The following TUSC3 variants were observed in gnomAD, a reference collection of about 807,000 sequenced individuals.
TUSC3 encodes tumor suppressor candidate 3.
TUSC3 carries 45 observed loss-of-function variants against 44.8 expected under a neutral mutation model. That is an observed-to-expected ratio of 1.00 (90% confidence interval 0.79 to 1.29). The LOEUF (loss-of-function observed/expected upper bound fraction) is 1.29. Among genes scored for constraint, TUSC3 ranks in the 50% most tolerant of loss-of-function variants. The pLI is 0.00. For missense variants in TUSC3, 519 were observed against 437.9 expected (o/e 1.19, Z -1.65); for synonymous variants, 212 against 152.9 (o/e 1.39, Z -2.85).
chr8:15,440,416 A>AT (rs1295177108), intron 1 of TUSC3, among the ~76,000 whole-genome samples: 1 of 152,148 alleles, frequency 6.6e-6, no homozygotes, highest in African/African-American at 2.4e-5. Context: ...GAATTTTGGT[A>AT]TTTTTCACAA....
At chr8:15,635,794 ACTTACAGTAATGGAG>A (rs1375294083) in intron 2 of TUSC3, among the ~76,000 whole-genome samples, 5 of 152,146 alleles carry the variant, frequency 3.3e-5, no homozygotes, top group Admixed American at 3.3e-4. Flanking sequence ...TTCTGCATGA[ACTTACAGTAATGGAG>A]CCAGGTAGCA....
At chr8:15,729,575 A>C (rs933035597) in intron 6 of TUSC3, among the ~76,000 whole-genome samples, 5 of 152,196 alleles carry the variant, frequency 3.3e-5, no homozygotes, top group African/African-American at 1.2e-4. Flanking sequence ...ACATGAATGC[A>C]GCAAGAGGGC....
chr8:15,425,516 T>A (rs1389047277), intron 1 of TUSC3, among the ~76,000 whole-genome samples: 1 of 152,198 alleles, frequency 6.6e-6, no homozygotes, highest in African/African-American at 2.4e-5. Flanking sequence ...AGATGGTTTT[T>A]CAAGTACAAT....
intron 6 of TUSC3, among the ~76,000 whole-genome samples, chr8:15,703,075 G>A (rs1809470665): frequency 6.6e-6 from 1 of 152,214 alleles, no homozygotes; most frequent in Non-Finnish European, 1.5e-5. Flanking sequence ...GGGAAAAACT[G>A]CTGAGATTCT....
At chr8:15,792,550 G>A in the TUSC3 span, among the ~76,000 whole-genome samples, 1 of 152,098 alleles carries the variant, frequency 6.6e-6, no homozygotes, top group Non-Finnish European at 1.5e-5. Context: ...ACTTGACACT[G>A]CTGACAATCA....
chr8:15,608,331 G>C (rs889396313), intron 1 of TUSC3, among the ~76,000 whole-genome samples: 1 of 151,178 alleles, frequency 6.6e-6, no homozygotes, highest in African/African-American at 2.4e-5. Context: ...ACTTTATATT[G>C]GTGCTTTTTG....
chr8:15,693,717 C>T (rs1419818111), intron 6 of TUSC3, among the ~76,000 whole-genome samples: 3 of 151,996 alleles, frequency 2.0e-5, no homozygotes, highest in Non-Finnish European at 4.4e-5. Context: ...GAAATTTTCA[C>T]GGATGATATT....
At chr8:15,657,862 A>G (rs906392795) in intron 3 of TUSC3, among the ~76,000 whole-genome samples, 1 of 152,182 alleles carries the variant, frequency 6.6e-6, no homozygotes, top group African/African-American at 2.4e-5. Context: ...TTTGTTTCCC[A>G]TAGTGCTAGA....
intron 6 of TUSC3, among the ~76,000 whole-genome samples, chr8:15,680,722 G>A (rs984643622): frequency 2.6e-5 from 4 of 152,042 alleles, no homozygotes; most frequent in Non-Finnish European, 4.4e-5. Flanking sequence ...TGTTGCCTGT[G>A]GGTTTGTCAT....
intron 2 of TUSC3, among the ~76,000 whole-genome samples, chr8:15,635,420 G>T (rs1416102755): frequency 6.6e-6 from 1 of 152,182 alleles, no homozygotes; most frequent in Non-Finnish European, 1.5e-5. Flanking sequence ...AGGGCACATG[G>T]AATGACTGCT....
the TUSC3 span, among the ~76,000 whole-genome samples, chr8:15,774,104 G>A: frequency 8.3e-4 from 127 of 152,158 alleles, no homozygotes; most frequent in African/African-American, 2.9e-3. Flanking sequence ...ATTACCCATG[G>A]TAATAGAGAG....
At chr8:15,629,581 A>T (rs1585170878) in intron 2 of TUSC3, among the ~76,000 whole-genome samples, 8 of 123,578 alleles carry the variant, frequency 6.5e-5, no homozygotes, top group South Asian at 2.6e-4. Context: ...CACGTGAATT[A>T]CTCCTCCTGG....
chr8:15,453,263 A>C (rs900721991), intron 1 of TUSC3, among the ~76,000 whole-genome samples: 2 of 152,102 alleles, frequency 1.3e-5, no homozygotes, highest in South Asian at 2.1e-4. Context: ...ATTATTTTCA[A>C]ATTTTAACCA....
chr8:15,696,213 A>G (rs1193730078), intron 6 of TUSC3, among the ~76,000 whole-genome samples: 1 of 152,176 alleles, frequency 6.6e-6, no homozygotes, highest in South Asian at 2.1e-4. Context: ...TGCTGTGTGC[A>G]GCCTAGGGAC....
intron 6 of TUSC3, among the ~76,000 whole-genome samples, chr8:15,716,064 T>C (rs1041891554): frequency 2.6e-5 from 4 of 151,972 alleles, no homozygotes; most frequent in African/African-American, 9.7e-5. Context: ...AAGACCAGGC[T>C]GGCCAACATG....
At chr8:15,464,778 T>G (rs530170646) in intron 1 of TUSC3, among the ~76,000 whole-genome samples, 1 of 152,306 alleles carries the variant, frequency 6.6e-6, no homozygotes, top group Non-Finnish European at 1.5e-5. Flanking sequence ...GACCACACCT[T>G]TGTGAGGCAC....
chr8:15,610,152 T>C (rs1303085460), intron 1 of TUSC3, among the ~76,000 whole-genome samples: 2 of 152,186 alleles, frequency 1.3e-5, no homozygotes. Flanking sequence ...TTTGTATCGT[T>C]GTTTTTATGA....
chr8:15,773,290 C>T, the TUSC3 span, among the ~76,000 whole-genome samples: 4 of 152,066 alleles, frequency 2.6e-5, no homozygotes, highest in Non-Finnish European at 5.9e-5. Context: ...ACATGGTTAA[C>T]ATGCAAAATC....
At chr8:15,428,140 C>A (rs1799828778) in intron 1 of TUSC3, among the ~76,000 whole-genome samples, 2 of 113,088 alleles carry the variant, frequency 1.8e-5, no homozygotes, top group Non-Finnish European at 3.4e-5. Context: ...CCACAACAGT[C>A]GCCAGTGTGT....
Sources: allele counts gnomAD v4.1 joint callset (sites outside exome capture counted in the v4.1 genomes callset), GRCh38; gene constraint gnomAD v4.1.1; transcripts MANE v1.5; gene names NCBI Gene and HGNC (gene_info 2026-07-23, HGNC 2026-07-21).